The following LIMA1 variants were observed in gnomAD, a reference collection of about 807,000 sequenced individuals.
LIMA1 encodes the protein LIM domain and actin binding 1, also known as LIM domain and actin-binding protein 1.
In LIMA1, 52 loss-of-function variants were observed where a neutral mutation model predicts 62.6. The observed-to-expected ratio is 0.83, with a 90% confidence interval of 0.67 to 1.05. The LOEUF (loss-of-function observed/expected upper bound fraction) is 1.05. Among genes scored for constraint, LIMA1 ranks in the 50% least tolerant of loss-of-function variants. The probability of loss-of-function intolerance (pLI) is 0.00; values close to 1 mark genes in which losing one functional copy is unlikely to be tolerated. For missense variants in LIMA1, 780 were observed against 902.2 expected (o/e 0.86, Z 1.74); for synonymous variants, 302 against 317.8 (o/e 0.95, Z 0.53).
intron 1 of LIMA1, among the ~76,000 whole-genome samples, chr12:50,255,034 A>C (rs1941976443): frequency 1.2e-5 from 1 of 86,050 alleles, no homozygotes; most frequent in Non-Finnish European, 2.0e-5. Flanking sequence ...AAACAAAACC[A>C]AAAAAAACAA....
intron 1 of LIMA1, among the ~76,000 whole-genome samples, chr12:50,252,268 T>G (rs1941939914): frequency 6.6e-6 from 1 of 151,934 alleles, no homozygotes; most frequent in African/African-American, 2.4e-5. Flanking sequence ...AAACTCTAGG[T>G]GCAAGAGAAG....
chr12:50,245,311 G>T (rs1941832229), intron 2 of LIMA1, among the ~76,000 whole-genome samples: 1 of 151,908 alleles, frequency 6.6e-6, no homozygotes, highest in South Asian at 2.1e-4. Flanking sequence ...TACTTGGGAG[G>T]CTGAGGCAGG....
chr12:50,201,299 T>C, intron 6 of LIMA1: 1 of 995,330 alleles, frequency 1.0e-6, no homozygotes, highest in Non-Finnish European at 1.2e-6. Flanking sequence ...GAAAATATAC[T>C]GACCATACAT....
chr12:50,237,070 A>G (rs1941707284), intron 2 of LIMA1, among the ~76,000 whole-genome samples: 1 of 152,214 alleles, frequency 6.6e-6, no homozygotes, highest in South Asian at 2.1e-4. Flanking sequence ...TGCCAAAATT[A>G]TAAAAGCACA....
intron 3 of LIMA1, among the ~76,000 whole-genome samples, chr12:50,227,904 G>A (rs1342560783): frequency 1.3e-5 from 2 of 150,348 alleles, no homozygotes; most frequent in Non-Finnish European, 3.0e-5. Flanking sequence ...CCAGGCTGGA[G>A]TGTGGAGTGC....
intron 1 of LIMA1, among the ~76,000 whole-genome samples, chr12:50,266,375 G>T (rs1487820252): frequency 6.6e-6 from 1 of 152,192 alleles, no homozygotes; most frequent in Non-Finnish European, 1.5e-5. Flanking sequence ...ACATGTTTTA[G>T]AAATACAATG....
intron 9 of LIMA1, chr12:50,189,566 C>G (rs1940705974): frequency 1.3e-5 from 2 of 152,122 alleles, no homozygotes; most frequent in African/African-American, 2.4e-5. Flanking sequence ...TGAAGTAGCC[C>G]CTCATTAGCA....
Position 50,177,824 on chromosome 12 carries a change from C to T in LIMA1, c.1520G>A (p.Ser507Asn). The change falls in exon 11 of 11, where the codon AGT becomes AAT. Residue 507 changes from serine (S) to asparagine (N), a missense_variant. Ser to Asn is a conservative substitution (Grantham distance 46, BLOSUM62 1). Transcript: ENST00000341247. ...PIAKVGVLAA[S>N]MEAKASSQQE... ...CTGAGAGGAGGCCTTGGCTTCCATA[C>T]TTGCAGCCAGGACACCCACCTTAGC... The T allele has an allele frequency of 1.2e-6, 2 of 1,613,534 alleles. No homozygotes were observed. The highest frequency in any genetic ancestry group is 1.7e-6 in the Non-Finnish European group (2 of 1,179,724).
At chr12:50,194,171 T>C (rs1266821127) in intron 8 of LIMA1, among the ~76,000 whole-genome samples, 1 of 149,734 alleles carries the variant, frequency 6.7e-6, no homozygotes, top group Non-Finnish European at 1.5e-5. Flanking sequence ...GTGTTTTTAA[T>C]AGAGATGGGG....
intron 4 of LIMA1, among the ~76,000 whole-genome samples, chr12:50,217,063 AG>A (rs1266153758): frequency 1.6e-4 from 24 of 152,100 alleles, no homozygotes; most frequent in African/African-American, 5.8e-4. Flanking sequence ...ATTGACCACT[AG>A]GGTATAAAAA....
chr12:50,244,390 A>G (rs1941819372), intron 2 of LIMA1, among the ~76,000 whole-genome samples: 1 of 152,138 alleles, frequency 6.6e-6, no homozygotes, highest in Non-Finnish European at 1.5e-5. Context: ...GGTGTGAGCC[A>G]TTGCGCCCAG....
chr12:50,192,173 A>T (rs1015971430), intron 9 of LIMA1, among the ~76,000 whole-genome samples: 17 of 151,812 alleles, frequency 1.1e-4, no homozygotes, highest in African/African-American at 4.1e-4. Context: ...AATAAACAAA[A>T]ACAAAAATAA....
chr12:50,220,653 C>T (rs1475567789), intron 4 of LIMA1: 1 of 152,186 alleles, frequency 6.6e-6, no homozygotes, highest in Non-Finnish European at 1.5e-5. Flanking sequence ...TGAGTCACAA[C>T]AAAACCCCTT....
chr12:50,203,743 C>T (rs983885600), intron 6 of LIMA1, among the ~76,000 whole-genome samples: 5 of 152,144 alleles, frequency 3.3e-5, no homozygotes, highest in African/African-American at 9.7e-5. Context: ...TTACTGAGCA[C>T]GTCACCTTCT....
At position 50,193,999 on chromosome 12, in the gene LIMA1, T is replaced by A. The variant is rs539766310; in HGVS notation, c.1031-1438A>T. Among the ~76,000 whole-genome samples, 563 of 145,404 alleles carry A rather than the reference T, an allele frequency of 3.9e-3. 5 individuals carry two copies. Among genetic ancestry groups the A allele is most frequent in the Non-Finnish European group, 5.9e-3 (391 of 66,278 alleles). On this transcript the variant is annotated intron_variant, in intron 8 of 10. Coordinates refer to ENST00000341247, the MANE Select transcript of LIMA1 (RefSeq NM_016357.5). ...TATACATATATATATATATATATATTTTTTTTGAGATGGATTTTCACTCTG... is the reference window on the plus strand; with the variant it reads ...TATACATATATATATATATATATATATTTTTTGAGATGGATTTTCACTCTG...
intron 1 of LIMA1, among the ~76,000 whole-genome samples, chr12:50,276,207 G>C (rs150217818): frequency 2.7e-4 from 41 of 152,228 alleles, no homozygotes; most frequent in Admixed American, 1.4e-3. Flanking sequence ...ACTGATTAAA[G>C]AACTCTTATC....
chr12:50,240,073 T>C (rs770244092), intron 2 of LIMA1, among the ~76,000 whole-genome samples: 1 of 130,358 alleles, frequency 7.7e-6, no homozygotes, highest in Non-Finnish European at 1.7e-5. Flanking sequence ...TAAAAAATTT[T>C]TAAAAGGAGC....
At chr12:50,277,919 C>A (rs755743246) in intron 1 of LIMA1, among the ~76,000 whole-genome samples, 30 of 152,338 alleles carry the variant, frequency 2.0e-4, no homozygotes, top group African/African-American at 3.8e-4. Flanking sequence ...GAAAAATGTT[C>A]TCTCTCACTA....
Position 50,205,966 on chromosome 12 carries a change from A to G in LIMA1, c.715+18T>C. On this transcript the variant is annotated intron_variant, in intron 5 of 10. Transcript: ENST00000341247. ...GTACTTCCTAAAGGACCTCATACAC[A>G]TGGAACTCTCTGCTTACCTGGGCCT... is the stretch of plus-strand genomic sequence containing the variant. 4.4e-6 allele frequency: 7 copies of G among 1,598,236 alleles called. No homozygotes were observed. Among genetic ancestry groups the G allele is most frequent in the Non-Finnish European group, 5.1e-6 (6 of 1,166,958 alleles).
Sources: allele counts gnomAD v4.1 joint callset (sites outside exome capture counted in the v4.1 genomes callset), GRCh38; gene constraint gnomAD v4.1.1; transcripts MANE v1.5; gene names NCBI Gene and HGNC (gene_info 2026-07-23, HGNC 2026-07-21).